Variants in SVEP1 observed in about 807,000 individuals in gnomAD.
SVEP1 encodes the protein sushi, von Willebrand factor type A, EGF and pentraxin domain-containing protein 1.
SVEP1 carries 164 observed loss-of-function variants against 367.3 expected under a neutral mutation model. That is an observed-to-expected ratio of 0.45 (90% CI 0.39 to 0.51). The LOEUF (loss-of-function observed/expected upper bound fraction) is 0.51, where lower values mean the gene tolerates loss of function less well. Ranked by LOEUF, SVEP1 falls within the 20% of genes least tolerant of loss-of-function variation. The pLI is 0.00. For synonymous variants in SVEP1, 1,666 were observed against 1,611.6 expected (o/e 1.03, Z -0.81); for missense variants, 4,117 against 4,425.3 (o/e 0.93, Z 1.98).
chr9:110,393,508 G>T (rs1397784174), intron 40 of SVEP1, among the ~76,000 whole-genome samples: 9 of 152,318 alleles, frequency 5.9e-5, no homozygotes, highest in Admixed American at 1.3e-4. Flanking sequence ...TCACTGGGGA[G>T]TGCCAGACAG....
At chr9:110,455,998 C>T (rs1002311986) in intron 21 of SVEP1, among the ~76,000 whole-genome samples, 3 of 152,142 alleles carry the variant, frequency 2.0e-5, no homozygotes, top group African/African-American at 7.2e-5. Context: ...ATGCTAATTT[C>T]AAAGTGAAAG....
At position 110,408,989 on chromosome 9, in the gene SVEP1, A is replaced by G. The variant is rs752959892; in HGVS notation, c.6649-38T>C. On this transcript the variant is annotated intron_variant, in intron 37 of 47. Coordinates refer to ENST00000374469, the MANE Select transcript of SVEP1 (RefSeq NM_153366.4). ...AAGAAAGCAAGTGAGTGCGATTTGT[A>G]TAACAGATGATAGCATTAACTAAAT... 2.0e-6 allele frequency: 3 copies of G among 1,518,464 alleles called. No homozygotes were observed. In the South Asian group the frequency reaches 4.0e-5, roughly 20 times the overall value. 94.1% of individuals were successfully genotyped at this position (1,518,464 alleles called of 1,614,324 possible). A position where few individuals can be genotyped will look rare whatever the true frequency, so the allele number is the denominator to read the frequency against.
At chr9:110,435,815 T>C (rs969175094) in intron 28 of SVEP1, among the ~76,000 whole-genome samples, 17 of 152,234 alleles carry the variant, frequency 1.1e-4, no homozygotes, top group African/African-American at 4.1e-4. Flanking sequence ...GTATATGTAG[T>C]ATTTTGTTCA....
chr9:110,403,364 G>A (rs1173245171), intron 39 of SVEP1, among the ~76,000 whole-genome samples: 5 of 136,256 alleles, frequency 3.7e-5, no homozygotes, highest in Non-Finnish European at 7.6e-5. Context: ...GAGTGCAGTG[G>A]CGCAATCTCG....
At position 110,461,398 on chromosome 9, in the gene SVEP1, A is replaced by G. The variant is rs144376739; in HGVS notation, c.3323-2285T>C. 2.4e-4 allele frequency among the ~76,000 whole-genome samples: 36 copies of G among 152,342 alleles called. No individual in the cohort carries two copies. In the East Asian group the frequency reaches 6.9e-3, roughly 29 times the overall value. Reference sequence around the variant, plus strand: ...ATTAAAAATACTAAGACTTGTCTGCATAAATGTAAGTATGGAAGACAGAAC... The same window carrying G: ...ATTAAAAATACTAAGACTTGTCTGCGTAAATGTAAGTATGGAAGACAGAAC... On this transcript the variant is annotated intron_variant, in intron 18 of 47. Coordinates refer to ENST00000374469, the MANE Select transcript of SVEP1 (RefSeq NM_153366.4).
chr9:110,503,800 T>C (rs1203489412), intron 5 of SVEP1, among the ~76,000 whole-genome samples: 1 of 152,182 alleles, frequency 6.6e-6, no homozygotes, highest in Non-Finnish European at 1.5e-5. Flanking sequence ...CTGCCAATCA[T>C]AGCTCATGAT....
intron 20 of SVEP1, 28 bp from the exon 21 acceptor site, chr9:110,457,380 G>A (rs1828792202): frequency 2.0e-6 from 3 of 1,529,844 alleles, no homozygotes; most frequent in Non-Finnish European, 2.7e-6. Context: ...AAATCAATCA[G>A]AGACAAAGCA....
At chr9:110,481,773 T>C (rs1160528554) in intron 11 of SVEP1, among the ~76,000 whole-genome samples, 1 of 152,114 alleles carries the variant, frequency 6.6e-6, no homozygotes, top group Non-Finnish European at 1.5e-5. Flanking sequence ...AATGCAGTGG[T>C]GCTATCTCGA....
At chr9:110,471,639 G>T in intron 15 of SVEP1, 42 bp from the exon 16 acceptor site, 1 of 1,430,908 alleles carries the variant, frequency 7.0e-7, no homozygotes, top group Non-Finnish European at 9.6e-7. Context: ...AACACATGGT[G>T]TTTCAGAAAG....
intron 13 of SVEP1, among the ~76,000 whole-genome samples, chr9:110,478,712 C>T (rs1055009148): frequency 2.0e-5 from 3 of 152,068 alleles, no homozygotes; most frequent in Non-Finnish European, 2.9e-5. Context: ...TTAAATATAA[C>T]GTTTTTACCA....
rs778842410 is a variant in SVEP1 at position 110,407,597 on chromosome 9, G to A, written c.8003C>T (p.Pro2668Leu). The A allele has an allele frequency of 2.0e-4, 316 of 1,613,874 alleles. No individual in the cohort carries two copies. The highest frequency in any genetic ancestry group is 2.6e-4 in the Non-Finnish European group (306 of 1,179,872). ...AKTWENTKESPATHSSNFLYG... is the reference protein window; with the variant it reads ...AKTWENTKESLATHSSNFLYG... ...CAGAAAGTTTGATGAATGTGTAGCA[G>A]GAGACTCCTTTGTATTTTCCCAGGT... The change falls in exon 38 of 48, where the codon CCT becomes CTT. Residue 2668 changes from proline (P) to leucine (L), a missense_variant. Coordinates refer to ENST00000374469, the MANE Select transcript of SVEP1 (RefSeq NM_153366.4).
At chr9:110,393,650 C>T (rs1827704222) in intron 40 of SVEP1, among the ~76,000 whole-genome samples, 1 of 152,138 alleles carries the variant, frequency 6.6e-6, no homozygotes, top group Non-Finnish European at 1.5e-5. Flanking sequence ...AATCGGGTCA[C>T]TCCCACTCTA....
At chr9:110,503,263 TA>T in intron 5 of SVEP1, 46 bp from the exon 6 acceptor site, 1 of 1,548,840 alleles carries the variant, frequency 6.5e-7, no homozygotes, top group Non-Finnish European at 8.7e-7. Flanking sequence ...TAAATAAGGA[TA>T]AAAATAATAA....
intron 1 of SVEP1, among the ~76,000 whole-genome samples, chr9:110,555,216 G>A (rs1830341304): frequency 6.7e-6 from 1 of 149,842 alleles, no homozygotes; most frequent in South Asian, 2.1e-4. Flanking sequence ...AGGAGGAGAA[G>A]TGGGGAAAAA....
At chr9:110,429,733 T>G (rs1341914713) in intron 34 of SVEP1, among the ~76,000 whole-genome samples, 187 bp downstream of exon 34, 1 of 152,188 alleles carries the variant, frequency 6.6e-6, no homozygotes, top group Non-Finnish European at 1.5e-5. Flanking sequence ...ATTTAAGGAT[T>G]CTAGATATAA....
intron 35 of SVEP1, among the ~76,000 whole-genome samples, chr9:110,428,417 C>CATACACACAA (rs1554714257): frequency 1.8e-5 from 1 of 57,040 alleles, no homozygotes; most frequent in Non-Finnish European, 3.3e-5. Flanking sequence ...CACACACACA[C>CATACACACAA]ACACACACAC....
In SVEP1 at chr9:110,406,902, C is replaced by T. The variant is rs1371678216; in HGVS notation, c.8698G>A (p.Gly2900Arg). 1 of 1,613,978 alleles carries T rather than the reference C, an allele frequency of 6.2e-7. No homozygotes were observed. Among genetic ancestry groups the T allele is most frequent in the Non-Finnish European group, 8.5e-7 (1 of 1,179,892 alleles). ...RCATPPQLAN[G>R]VTEGLDYGFM... ...CCATAGTCCAGGCCTTCCGTCACCC[C>T]ATTGGCCAGTTGTGGCGGGGTGGCA... is the stretch of plus-strand genomic sequence containing the variant. Residue 2900 changes from glycine to arginine, a missense_variant, in exon 38 of 48, where the codon GGG becomes AGG. By Grantham distance (125) the Gly-to-Arg change is moderately radical (BLOSUM62 -2). Around this residue, in one of 4 missense-constraint regions of SVEP1, gnomAD observed 1,765 missense variants for 1,781.1 expected, o/e 0.99. Transcript: ENST00000374469.
intron 2 of SVEP1, among the ~76,000 whole-genome samples, chr9:110,546,772 C>T (rs1206265395): frequency 1.3e-5 from 2 of 152,174 alleles, no homozygotes; most frequent in Non-Finnish European, 2.9e-5. Context: ...GGAATAAACA[C>T]TGTCACTTCT....
At chr9:110,448,148 T>TGC (rs1554715856) in intron 24 of SVEP1, among the ~76,000 whole-genome samples, 6,523 of 69,486 alleles carry the variant, frequency 0.094, 458 homozygotes, top group African/African-American at 0.25. Context: ...TGTGTGTGTG[T>TGC]GCGCGTGTGT....
Sources: allele counts gnomAD v4.1 joint callset (sites outside exome capture counted in the v4.1 genomes callset), GRCh38; gene constraint gnomAD v4.1.1; regional missense constraint gnomAD v4.1.1; transcripts MANE v1.5; gene names NCBI Gene and HGNC (gene_info 2026-07-23, HGNC 2026-07-21).